SDCCAG8: variants seen among roughly 807,000 people sequenced by gnomAD.
SDCCAG8 encodes the protein serologically defined colon cancer antigen 8.
SDCCAG8 carries 74 observed loss-of-function variants against 101.8 expected under a neutral mutation model. That is an observed-to-expected ratio of 0.73 (90% CI 0.60 to 0.88). The LOEUF is 0.88. Among genes scored for constraint, SDCCAG8 ranks in the 40% least tolerant of loss-of-function variants. The probability of loss-of-function intolerance (pLI) is 0.00; values close to 1 mark genes in which losing one functional copy is unlikely to be tolerated. For missense variants in SDCCAG8, 787 were observed against 822.6 expected (o/e 0.96, Z 0.53); for synonymous variants, 281 against 292.9 (o/e 0.96, Z 0.41).
At chr1:243,363,509 G>A (rs1236082430) in intron 12 of SDCCAG8, among the ~76,000 whole-genome samples, 1 of 152,166 alleles carries the variant, frequency 6.6e-6, no homozygotes, top group African/African-American at 2.4e-5. Context: ...TTGAAATGGG[G>A]CTGTCTGAAA....
intron 6 of SDCCAG8, among the ~76,000 whole-genome samples, chr1:243,301,010 G>A (rs2071444333): frequency 6.6e-6 from 1 of 152,008 alleles, no homozygotes; most frequent in Non-Finnish European, 1.5e-5. Context: ...ATATATGTAG[G>A]TAATAGTCTA....
At chr1:243,484,874 T>C (rs1268537027) in intron 16 of SDCCAG8, among the ~76,000 whole-genome samples, 3 of 152,004 alleles carry the variant, frequency 2.0e-5, no homozygotes, top group Non-Finnish European at 4.4e-5. Context: ...TGAAACCCCA[T>C]CTCTACTAAA....
intron 16 of SDCCAG8, among the ~76,000 whole-genome samples, chr1:243,469,487 G>C (rs773307588): frequency 3.3e-5 from 5 of 152,160 alleles, no homozygotes; most frequent in Admixed American, 1.3e-4. Context: ...ATACTTTTTT[G>C]AGTGGATAAA....
At chr1:243,292,249 C>G (rs1375011316) in intron 5 of SDCCAG8, among the ~76,000 whole-genome samples, 1 of 152,106 alleles carries the variant, frequency 6.6e-6, no homozygotes, top group Non-Finnish European at 1.5e-5. Flanking sequence ...GTCCTTTCCC[C>G]CCTTGAGGTG....
intron 16 of SDCCAG8, among the ~76,000 whole-genome samples, chr1:243,476,760 C>T (rs1662489574): frequency 2.0e-5 from 3 of 152,092 alleles, no homozygotes; most frequent in Admixed American, 1.3e-4. Flanking sequence ...TAGAGACATG[C>T]CAACTAAGTA....
intron 1 of SDCCAG8, chr1:243,267,980 T>C (rs1368082258): frequency 1.3e-6 from 1 of 780,444 alleles, no homozygotes; most frequent in African/African-American, 1.7e-5. Flanking sequence ...TTGCGGAACT[T>C]CTCTTTCCTT....
chr1:243,498,255 C>T (rs753480164), intron 17 of SDCCAG8, among the ~76,000 whole-genome samples: 73 of 152,318 alleles, frequency 4.8e-4, no homozygotes, highest in Admixed American at 2.5e-3. Context: ...TGGCAGTCTC[C>T]GTGCTGTCAG....
At chr1:243,445,738 T>C (rs930743490) in intron 16 of SDCCAG8, among the ~76,000 whole-genome samples, 10 of 152,240 alleles carry the variant, frequency 6.6e-5, no homozygotes, top group African/African-American at 2.4e-4. Context: ...ACAGCCTTCA[T>C]GCAGAATTTG....
In SDCCAG8 at chr1:243,442,564, T is replaced by A. The variant is rs147534151; in HGVS notation, c.1985+16006T>A. Reference sequence around the variant, plus strand: ...TTTTACGTCAGTTCTGCCTTCAGTGTAAAGCCCTGATTTTCATAGATAACC... The same window carrying A: ...TTTTACGTCAGTTCTGCCTTCAGTGAAAAGCCCTGATTTTCATAGATAACC... On this transcript the variant is annotated intron_variant, in intron 16 of 17. Coordinates refer to ENST00000366541, the MANE Select transcript of SDCCAG8 (RefSeq NM_006642.5). Among the ~76,000 whole-genome samples the A allele has an allele frequency of 1.9e-3, 281 of 151,864 alleles. 5 individuals are homozygous for A. The highest frequency in any genetic ancestry group is 4.8e-3 in the East Asian group (25 of 5,172).
intron 8 of SDCCAG8, among the ~76,000 whole-genome samples, chr1:243,310,506 G>T (rs2072617284): frequency 6.6e-6 from 1 of 151,990 alleles, no homozygotes; most frequent in Non-Finnish European, 1.5e-5. Flanking sequence ...TAAATTCATG[G>T]TAGTTTAAAG....
chr1:243,480,731 T>G, intron 16 of SDCCAG8, among the ~76,000 whole-genome samples: 1 of 81,948 alleles, frequency 1.2e-5, no homozygotes, highest in Non-Finnish European at 2.3e-5. Context: ...GTGGGATGGA[T>G]GAATGGGGGA....
intron 10 of SDCCAG8, among the ~76,000 whole-genome samples, chr1:243,338,294 A>G (rs1276912070): frequency 1.3e-5 from 2 of 152,214 alleles, no homozygotes; most frequent in Non-Finnish European, 2.9e-5. Flanking sequence ...TAATCATAAC[A>G]TTGTAAGTGC....
At chr1:243,343,927 A>G (rs2075536231) in intron 11 of SDCCAG8, among the ~76,000 whole-genome samples, 1 of 152,230 alleles carries the variant, frequency 6.6e-6, no homozygotes, top group African/African-American at 2.4e-5. Flanking sequence ...ATTTTGGTTG[A>G]TAATATGCAA....
chr1:243,293,369 C>A, intron 6 of SDCCAG8, 150 bp downstream of exon 6: 1 of 820,724 alleles, frequency 1.2e-6, no homozygotes, highest in Non-Finnish European at 2.0e-6. Context: ...ACATTCATGT[C>A]ACTCAATCAT....
rs575637650 is a variant in SDCCAG8, at chr1:243,412,233, G to A, written c.1617-3469G>A. On this transcript the variant is annotated intron_variant, in intron 13 of 17. Transcript: ENST00000366541. ...CTCTAGTTGCTCCTTGAATGCCTACGTGCTTTTTATAATTTTTTCAATCCA... is the reference window on the plus strand; with the variant it reads ...CTCTAGTTGCTCCTTGAATGCCTACATGCTTTTTATAATTTTTTCAATCCA... Among the ~76,000 whole-genome samples the A allele has an allele frequency of 3.9e-5, 6 of 152,110 alleles. No homozygotes were observed. In the East Asian group the frequency reaches 7.7e-4, roughly 20 times the overall value.
chr1:243,394,863 TC>T (rs869192671), intron 13 of SDCCAG8, among the ~76,000 whole-genome samples: 1 of 151,790 alleles, frequency 6.6e-6, no homozygotes, highest in African/African-American at 2.4e-5. Flanking sequence ...TTTTTTTTTT[TC>T]CCCTGTAAAA....
chr1:243,266,503 A>G (rs2067599760), intron 1 of SDCCAG8, among the ~76,000 whole-genome samples: 1 of 151,738 alleles, frequency 6.6e-6, no homozygotes, highest in Non-Finnish European at 1.5e-5. Context: ...TATTTTTAGT[A>G]CAGATGGGGT....
At chr1:243,348,782 G>A (rs1452628409) in intron 12 of SDCCAG8, among the ~76,000 whole-genome samples, 3 of 143,336 alleles carry the variant, frequency 2.1e-5, no homozygotes, top group Non-Finnish European at 3.0e-5. Context: ...AGACCAGCCT[G>A]ACCAATATGG....
intron 16 of SDCCAG8, among the ~76,000 whole-genome samples, chr1:243,431,207 C>T (rs1264394534): frequency 6.6e-6 from 1 of 152,222 alleles, no homozygotes; most frequent in South Asian, 2.1e-4. Context: ...AAAAATCAAA[C>T]AAACAGAAAA....
Sources: gnomAD v4.1 joint callset for allele counts (sites outside exome capture counted in the v4.1 genomes callset) on GRCh38, gnomAD v4.1.1 for gene constraint, MANE v1.5 for transcripts, NCBI Gene and HGNC (gene_info 2026-07-23, HGNC 2026-07-21) for gene names.